The following ERCC2 variants were observed in gnomAD, a reference collection of about 807,000 sequenced individuals.
ERCC2 encodes the protein general transcription and DNA repair factor IIH helicase subunit XPD.
A neutral mutation model predicts 99.4 loss-of-function variants in ERCC2; 90 were observed. The observed-to-expected ratio is 0.91, with a 90% CI of 0.76 to 1.08. The LOEUF is 1.08. Ranked by LOEUF, ERCC2 falls within the 50% of genes least tolerant of loss-of-function variation. ERCC2 has a pLI of 0.00. For synonymous variants in ERCC2, 497 were observed against 432.4 expected, an observed-to-expected ratio of 1.15 and a Z score of -1.85; for missense variants, 993 against 1,038.1, an observed-to-expected ratio of 0.96 and a Z score of 0.60.
At chr19:45,357,216 G>T in intron 15 of ERCC2, 54 bp downstream of exon 15, 2 of 1,308,500 alleles carry the variant, frequency 1.5e-6, no homozygotes, top group Non-Finnish European at 2.2e-6. Context: ...GAAGGAGGGC[G>T]GCCCCTTGCC....
intron 12 of ERCC2, 114 bp downstream of exon 12, chr19:45,361,410 C>T (rs1029335293): frequency 1.5e-5 from 12 of 814,564 alleles, no homozygotes; most frequent in Non-Finnish European, 2.0e-5. Context: ...GCCCACACTT[C>T]CAAGCCAAAC....
chr19:45,350,772 G>T lies in ERCC2; in HGVS notation c.*857C>A. On this transcript the variant is annotated 3_prime_UTR_variant, in exon 23 of 23. Transcript: ENST00000391945. The stretch of plus-strand genomic sequence containing the variant: ...GGTGAGTGTTGATCAGGTCGGCAAA[G>T]AGCCCTGACATCAGCAGAATCCACA... 1 of 1,590,956 alleles carries T rather than the reference G, an allele frequency of 6.3e-7. No homozygotes were observed. The highest frequency in any genetic ancestry group is 2.3e-5 in the East Asian group (1 of 44,248).
chr19:45,350,449 G>A lies in ERCC2; in HGVS notation c.*1180C>T, dbSNP rs376064192. 1.2e-5 allele frequency: 19 copies of A among 1,609,730 alleles called. No individual in the cohort carries two copies. Among genetic ancestry groups the A allele is most frequent in the Non-Finnish European group, 1.4e-5 (17 of 1,176,390 alleles). ...CCCTCTCGGTGAGCCCCTAGCCCCT[G>A]TCTGTCTTCCCTCCTGGTGGCTTCT... On this transcript the variant is annotated 3_prime_UTR_variant, in exon 23 of 23. Transcript: ENST00000391945.
intron 5 of ERCC2, among the ~76,000 whole-genome samples, 198 bp from the exon 6 acceptor site, chr19:45,365,356 C>A (rs1025560056): frequency 1.3e-5 from 2 of 152,200 alleles, no homozygotes; most frequent in African/African-American, 4.8e-5. Flanking sequence ...GTGGCTCACG[C>A]CTGTAATCCC....
In ERCC2 at chr19:45,350,137, T is replaced by C. The variant is rs1007635144; in HGVS notation, c.*1492A>G. 11 of 581,280 alleles carry C rather than the reference T, an allele frequency of 1.9e-5. No homozygotes were observed. The highest frequency in any genetic ancestry group is 3.4e-5 in the Non-Finnish European group (11 of 327,358). The allele number at this position is 581,280 out of a possible 1,614,324, so 36.0% of individuals were successfully genotyped here. A position where few individuals can be genotyped will look rare whatever the true frequency, so the allele number is the denominator to read the frequency against. ...ACGGCCAGGTCAGCACATTAGAAAG[T>C]GGGGCCAGACGTGGTGGTTCACGCT... On this transcript the variant is annotated 3_prime_UTR_variant, in exon 23 of 23. Coordinates refer to ENST00000391945, the MANE Select transcript of ERCC2 (RefSeq NM_000400.4).
chr19:45,365,149 G>C lies in ERCC2; in HGVS notation c.370C>G (p.Leu124Val), dbSNP rs1406240724. Residue 124 changes from leucine to valine, a missense_variant, in exon 6 of 23, where the codon CTG becomes GTG. Transcript: ENST00000391945. ...NLCIHPEVTP[L>V]RFGKDVDGKC... ...CCATCGACGTCCTTCCCAAAGCGCAGGGGTGTCACCTGGGGGTGTGGGGCA... is the reference window on the plus strand; with the variant it reads ...CCATCGACGTCCTTCCCAAAGCGCACGGGTGTCACCTGGGGGTGTGGGGCA... 3 of 1,614,070 alleles carry C rather than the reference G, an allele frequency of 1.9e-6. No homozygotes were observed. The East Asian group carries it at 6.7e-5, about 36-fold the overall frequency.
chr19:45,358,663 C>T, intron 12 of ERCC2: 2 of 623,818 alleles, frequency 3.2e-6, no homozygotes, highest in South Asian at 1.8e-5. Context: ...CAAGGCTGCT[C>T]CATTTGGTCA....
chr19:45,361,891 G>C (rs781607082), intron 11 of ERCC2: 2 of 506,882 alleles, frequency 3.9e-6, no homozygotes, highest in Non-Finnish European at 7.4e-6. Flanking sequence ...GTGGTCACTT[G>C]TCACACCTGC....
Position 45,370,555 on chromosome 19 carries a change from T to C in ERCC2, c.-15A>G, listed in dbSNP as rs1443551781. ...TCTCACTTCATGGCGCCGGCCGGAC[T>C]GTGCAGCGGGGTCGACCCGCCTCCC... On this transcript the variant is annotated 5_prime_UTR_variant, in exon 1 of 23. Transcript: ENST00000391945. 1 of 1,581,014 alleles carries C rather than the reference T, an allele frequency of 6.3e-7. No homozygotes were observed. The highest frequency in any genetic ancestry group is 8.6e-7 in the Non-Finnish European group (1 of 1,167,614).
At chr19:45,367,058 G>T (rs986517200) in intron 5 of ERCC2, among the ~76,000 whole-genome samples, 1 of 151,920 alleles carries the variant, frequency 6.6e-6, no homozygotes, top group Non-Finnish European at 1.5e-5. Context: ...AATAAATAAG[G>T]CTGGGCACGA....
rs3916895 is a variant in ERCC2, at chr19:45,351,158, A to AT, written c.*470dup. 1.8e-5 allele frequency: 29 copies of AT among 1,591,430 alleles called. No individual in the cohort carries two copies. Among genetic ancestry groups the AT allele is most frequent in the Admixed American group, 1.5e-4 (9 of 58,420 alleles). ...GAAGAGACCCAGGACAGGAGCAAAG[A>AT]TGGGTTTTACTTGGGGTAGAGGCGA... On this transcript the variant is annotated 3_prime_UTR_variant, in exon 23 of 23. Transcript: ENST00000391945.
Position 45,351,243 on chromosome 19 carries a change from GCCCC to G in ERCC2, c.*382_*385del. 6.4e-7 allele frequency: 1 copy of G among 1,571,250 alleles called. No homozygotes were observed. Among genetic ancestry groups the G allele is most frequent in the Non-Finnish European group, 8.6e-7 (1 of 1,157,362 alleles). ...GAGCTGGAGGGTGGATGTAACACTTGCCCCTCACCTCCCCTCCAACCATCCCCTG... is the reference window on the plus strand; with the variant it reads ...GAGCTGGAGGGTGGATGTAACACTTGTCACCTCCCCTCCAACCATCCCCTG... On this transcript the variant is annotated 3_prime_UTR_variant, in exon 23 of 23. Coordinates refer to ENST00000391945, the MANE Select transcript of ERCC2 (RefSeq NM_000400.4).
Position 45,357,473 on chromosome 19 carries a change from C to A in ERCC2, c.1377+1G>T. On this transcript the variant is annotated splice_donor_variant, in intron 14 of 22. Coordinates refer to ENST00000391945, the MANE Select transcript of ERCC2 (RefSeq NM_000400.4). LOFTEE classifies it high-confidence loss of function. Reference sequence around the variant, plus strand: ...AGGAGGGGACGGGGAAGGGTCCTTACCCCAGATGTGATGATGACAGACTGG... The same window carrying A: ...AGGAGGGGACGGGGAAGGGTCCTTAACCCAGATGTGATGATGACAGACTGG... 2 of 1,614,018 alleles carry A rather than the reference C, an allele frequency of 1.2e-6. No homozygotes were observed. The highest frequency in any genetic ancestry group is 1.7e-6 in the Non-Finnish European group (2 of 1,179,898).
rs757277251 is a variant in ERCC2, at chr19:45,351,287, T to A, written c.*342A>T. ...ACCATCCCCTGTGCCTGTCTCCAGT[T>A]TCCCAGCTGGCACCTGGACAAGGCC... On this transcript the variant is annotated 3_prime_UTR_variant, in exon 23 of 23. Coordinates refer to ENST00000391945, the MANE Select transcript of ERCC2 (RefSeq NM_000400.4). The A allele has an allele frequency of 6.2e-7, 1 of 1,612,584 alleles. No individual in the cohort carries two copies. Among genetic ancestry groups the A allele is most frequent in the South Asian group, 1.1e-5 (1 of 91,068 alleles).
chr19:45,350,902 AG>A lies in ERCC2; in HGVS notation c.*726del. On this transcript the variant is annotated 3_prime_UTR_variant, in exon 23 of 23. Transcript: ENST00000391945. The stretch of plus-strand genomic sequence containing the variant: ...CCTGTGCTGGAAAGGTCCCTCGTGG[AG>A]GGGGGCCACTCCTGGATTCACTCAT... 5 of 1,581,304 alleles carry A rather than the reference AG, an allele frequency of 3.2e-6. No homozygotes were observed. Among genetic ancestry groups the A allele is most frequent in the Non-Finnish European group, 4.3e-6 (5 of 1,156,448 alleles).
intron 5 of ERCC2, among the ~76,000 whole-genome samples, chr19:45,367,349 ACAAAAATAT>A (rs1349271917): frequency 9.1e-6 from 1 of 109,904 alleles, no homozygotes; most frequent in African/African-American, 4.2e-5. Context: ...ACAAAACAAA[ACAAAAATAT>A]ATATATATAT....
At position 45,350,079 on chromosome 19, in the gene ERCC2, G is replaced by GC. The variant is rs1331770802; in HGVS notation, c.*1549dup. On this transcript the variant is annotated 3_prime_UTR_variant, in exon 23 of 23. Transcript: ENST00000391945. ...TAAGGCCGAGCTCCAAACCCACTCT[G>GC]CCCCAGGGCAAGGCTTTAGGCAGGG... The GC allele has an allele frequency of 2.0e-6, 1 of 510,170 alleles. No homozygotes were observed. Among genetic ancestry groups the GC allele is most frequent in the Non-Finnish European group, 3.5e-6 (1 of 285,072 alleles). 31.6% of individuals were successfully genotyped at this position (510,170 alleles called of 1,614,324 possible).
Position 45,353,022 on chromosome 19 carries a change from G to A in ERCC2, c.1831+61C>T, listed in dbSNP as rs3916879. On this transcript the variant is annotated intron_variant, in intron 19 of 22. Transcript: ENST00000391945. ...TCCCCGCGGGAGCAGACAGCAGAGC[G>A]GGCAGGTGTTCCAGAGAGCTCTGGG... 3.9e-3 allele frequency: 5,902 copies of A among 1,532,704 alleles called. 161 individuals carry two copies. The African/African-American group carries it at 0.063, about 16-fold the overall frequency. The allele number at this position is 1,532,704 out of a possible 1,614,324, so 94.9% of individuals were successfully genotyped here. A position where few individuals can be genotyped will look rare whatever the true frequency, so the allele number is the denominator to read the frequency against.
chr19:45,370,433 C>T, intron 1 of ERCC2, 103 bp downstream of exon 1: 6 of 1,463,602 alleles, frequency 4.1e-6, no homozygotes, highest in South Asian at 3.7e-5. Context: ...CACCCCTTCA[C>T]CCTCCCCTCG....
Sources: gnomAD v4.1 joint callset for allele counts (sites outside exome capture counted in the v4.1 genomes callset) on GRCh38, gnomAD v4.1.1 for gene constraint, MANE v1.5 for transcripts, NCBI Gene and HGNC (gene_info 2026-07-23, HGNC 2026-07-21) for gene names.